CNTN4: variants seen among roughly 807,000 people sequenced by gnomAD.
The protein encoded by CNTN4 is contactin 4.
Under a neutral mutation model 122.5 loss-of-function variants are expected in CNTN4, and 77 were observed. The ratio of observed to expected loss-of-function variants is 0.63; its 90% confidence interval spans 0.52 to 0.76. The LOEUF is 0.76. Among genes scored for constraint, CNTN4 ranks in the 30% least tolerant of loss-of-function variants. The pLI is 0.00. For synonymous variants in CNTN4, 512 were observed against 447.0 expected, an observed-to-expected ratio of 1.15 and a Z score of -1.83; for missense variants, 1,256 against 1,259.1, an observed-to-expected ratio of 1.00 and a Z score of 0.04.
chr3:2,429,005 G>A (rs1164564421), intron 3 of CNTN4, among the ~76,000 whole-genome samples: 1 of 152,102 alleles, frequency 6.6e-6, no homozygotes, highest in Non-Finnish European at 1.5e-5. Flanking sequence ...TAGCTTCTTT[G>A]TGATGGGTTC....
intron 3 of CNTN4, among the ~76,000 whole-genome samples, chr3:2,434,846 A>C (rs1165516009): frequency 6.6e-6 from 1 of 152,150 alleles, no homozygotes; most frequent in East Asian, 1.9e-4. Flanking sequence ...TATGCTGTTA[A>C]TTCATGTCGC....
At chr3:2,750,598 G>A (rs193234061) in intron 6 of CNTN4, among the ~76,000 whole-genome samples, 12 of 152,232 alleles carry the variant, frequency 7.9e-5, no homozygotes, top group Admixed American at 1.3e-4. Flanking sequence ...ATACATTATT[G>A]TAATGTAATT....
At chr3:2,746,336 C>A (rs1268003201) in intron 6 of CNTN4, among the ~76,000 whole-genome samples, 1 of 152,008 alleles carries the variant, frequency 6.6e-6, no homozygotes, top group East Asian at 1.9e-4. Context: ...TTTGATATTT[C>A]CAGCTTAAAA....
chr3:2,394,786 T>G (rs968524566), intron 3 of CNTN4, among the ~76,000 whole-genome samples: 1 of 62,804 alleles, frequency 1.6e-5, no homozygotes. Context: ...TTATATTAGT[T>G]TTTTTTTTTT....
intron 3 of CNTN4, among the ~76,000 whole-genome samples, chr3:2,431,342 T>TG: frequency 6.6e-6 from 1 of 152,312 alleles, no homozygotes; most frequent in Admixed American, 6.5e-5. Context: ...ATAAATGCAT[T>TG]GAAAAAATGT....
At chr3:2,638,936 C>G (rs1298985100) in intron 4 of CNTN4, among the ~76,000 whole-genome samples, 2 of 152,206 alleles carry the variant, frequency 1.3e-5, no homozygotes, top group African/African-American at 4.8e-5. Flanking sequence ...CCATTCTGGT[C>G]TGAGACACCA....
intron 4 of CNTN4, among the ~76,000 whole-genome samples, chr3:2,662,060 C>G (rs986269419): frequency 3.9e-5 from 6 of 152,234 alleles, no homozygotes; most frequent in African/African-American, 1.4e-4. Flanking sequence ...GATATTATAG[C>G]TGATGCTGGG....
At chr3:2,181,800 A>G (rs780051946) in intron 2 of CNTN4, among the ~76,000 whole-genome samples, 15 of 152,150 alleles carry the variant, frequency 9.9e-5, no homozygotes, top group Non-Finnish European at 2.1e-4. Flanking sequence ...GGGGCTAATG[A>G]AAATAAATTC....
chr3:2,218,704 T>C (rs1021442786), intron 2 of CNTN4, among the ~76,000 whole-genome samples: 3 of 152,228 alleles, frequency 2.0e-5, no homozygotes, highest in Admixed American at 1.3e-4. Flanking sequence ...TTTTCCCTGA[T>C]ACAAATGTGG....
rs373917069 is a variant in CNTN4, at chr3:3,047,444, G to A, written c.2811+3740G>A. On this transcript the variant is annotated intron_variant, in intron 23 of 24. Transcript: ENST00000418658. ...CAAACTGTCTCTCAGACCACAGTGCGATCAAACTAGAACTCAGGATTAAGA... is the reference window on the plus strand; with the variant it reads ...CAAACTGTCTCTCAGACCACAGTGCAATCAAACTAGAACTCAGGATTAAGA... 9.2e-3 allele frequency among the ~76,000 whole-genome samples: 1,391 copies of A among 151,976 alleles called. 23 individuals carry two copies. The highest frequency in any genetic ancestry group is 0.029 in the African/African-American group (1,198 of 41,378).
chr3:2,773,169 A>C (rs2091177457), intron 6 of CNTN4, among the ~76,000 whole-genome samples: 1 of 152,034 alleles, frequency 6.6e-6, no homozygotes, highest in East Asian at 1.9e-4. Flanking sequence ...GAAGTAGAGA[A>C]AGCAAGGGTA....
chr3:2,683,837 A>G (rs2085292306), intron 4 of CNTN4, among the ~76,000 whole-genome samples: 1 of 152,154 alleles, frequency 6.6e-6, no homozygotes, highest in South Asian at 2.1e-4. Flanking sequence ...CACCTGCCAT[A>G]GAATCACTTG....
chr3:2,195,208 A>G (rs557869720), intron 2 of CNTN4, among the ~76,000 whole-genome samples: 1 of 152,348 alleles, frequency 6.6e-6, no homozygotes, highest in Admixed American at 6.5e-5. Flanking sequence ...TTCACTTAGC[A>G]TGACATCCTC....
chr3:2,567,454 C>T (rs1009687096), intron 3 of CNTN4, among the ~76,000 whole-genome samples: 2 of 152,154 alleles, frequency 1.3e-5, no homozygotes, highest in Non-Finnish European at 2.9e-5. Flanking sequence ...ACCTTCCAGC[C>T]TCTTTCCCCC....
intron 2 of CNTN4, among the ~76,000 whole-genome samples, chr3:2,280,216 T>G (rs2041667374): frequency 6.6e-6 from 1 of 152,140 alleles, no homozygotes; most frequent in African/African-American, 2.4e-5. Flanking sequence ...TGCCTCAGCC[T>G]CCCAAAGTGC....
chr3:2,606,129 A>G (rs936869976), intron 4 of CNTN4, among the ~76,000 whole-genome samples: 8 of 152,144 alleles, frequency 5.3e-5, no homozygotes, highest in African/African-American at 1.7e-4. Flanking sequence ...CAGTTTAAAT[A>G]TCGAATGGGG....
At chr3:2,719,132 C>T (rs2087680587) in intron 4 of CNTN4, among the ~76,000 whole-genome samples, 1 of 152,110 alleles carries the variant, frequency 6.6e-6, no homozygotes, top group Non-Finnish European at 1.5e-5. Context: ...AGGGAGGGAC[C>T]TTGTCAATCT....
chr3:2,353,987 A>T (rs754803742), intron 3 of CNTN4, among the ~76,000 whole-genome samples: 3 of 152,248 alleles, frequency 2.0e-5, no homozygotes, highest in Non-Finnish European at 4.4e-5. Flanking sequence ...TATTTAGAGC[A>T]CATATGAAAT....
intron 2 of CNTN4, among the ~76,000 whole-genome samples, chr3:2,279,016 G>C (rs2041619951): frequency 6.6e-6 from 1 of 151,944 alleles, no homozygotes; most frequent in Non-Finnish European, 1.5e-5. Context: ...TTAAGGTTTT[G>C]ACCTGACAAT....
Sources: allele counts gnomAD v4.1 joint callset (sites outside exome capture counted in the v4.1 genomes callset), GRCh38; gene constraint gnomAD v4.1.1; transcripts MANE v1.5; gene names NCBI Gene and HGNC (gene_info 2026-07-23, HGNC 2026-07-21).